Variants in CCBE1 observed in about 807,000 individuals in gnomAD.
The protein encoded by CCBE1 is collagen and calcium binding EGF domains 1, also known as collagen and calcium-binding EGF domain-containing protein 1.
Under a neutral mutation model 50.0 loss-of-function variants are expected in CCBE1, and 37 were observed. The ratio of observed to expected loss-of-function variants is 0.74; its 90% confidence interval spans 0.57 to 0.97. The LOEUF (loss-of-function observed/expected upper bound fraction) is 0.97. Ranked by LOEUF, CCBE1 falls within the 50% of genes least tolerant of loss-of-function variation. CCBE1 has a pLI of 0.00. For missense variants in CCBE1, 538 were observed against 523.8 expected, an observed-to-expected ratio of 1.03 and a Z score of -0.26; for synonymous variants, 234 against 203.7, an observed-to-expected ratio of 1.15 and a Z score of -1.27.
At chr18:59,450,955 C>G (rs1225238164) in intron 6 of CCBE1, among the ~76,000 whole-genome samples, 2 of 152,136 alleles carry the variant, frequency 1.3e-5, no homozygotes, top group Non-Finnish European at 2.9e-5. Flanking sequence ...GATGCTAGAC[C>G]GAGCAGGTGC....
chr18:59,515,353 G>A (rs771888490), intron 2 of CCBE1, among the ~76,000 whole-genome samples: 1 of 152,166 alleles, frequency 6.6e-6, no homozygotes, highest in African/African-American at 2.4e-5. Context: ...TATGTGCCAG[G>A]CATGTACTAA....
chr18:59,575,057 G>A (rs770653295), intron 2 of CCBE1, among the ~76,000 whole-genome samples: 98 of 152,108 alleles, frequency 6.4e-4, no homozygotes, highest in Admixed American at 3.9e-4. Flanking sequence ...GGATCGGGGC[G>A]ATTCTCCTGC....
rs2143604898 is a variant in CCBE1 at position 59,436,012 on chromosome 18, C to A, written c.1117G>T (p.Glu373Ter). The A allele has an allele frequency of 6.2e-7, 1 of 1,614,112 alleles. No homozygotes were observed. The highest frequency in any genetic ancestry group is 1.3e-5 in the African/African-American group (1 of 75,022). ...ATGGCTTCTGGGTAGCTGGGAAATT[C>A]CTGAGGTAAAGGGAACTCCTCTGCT... ...SSAEEFPLPQ[E>*]FPSYPEAMDL... Residue 373 changes from glutamate to a stop codon, truncating the protein, a stop_gained, in exon 11 of 11, where the codon GAA becomes TAA. Transcript: ENST00000439986. LOFTEE classifies it high-confidence loss of function.
At chr18:59,482,901 T>A (rs1455464772) in intron 2 of CCBE1, among the ~76,000 whole-genome samples, 1 of 151,954 alleles carries the variant, frequency 6.6e-6, no homozygotes. Flanking sequence ...AGAAGTATTT[T>A]TTTTTGTAAC....
At chr18:59,472,741 A>G (rs1912093700) in intron 3 of CCBE1, among the ~76,000 whole-genome samples, 1 of 152,194 alleles carries the variant, frequency 6.6e-6, no homozygotes. Context: ...TCTCTCATGT[A>G]TTAGTCTGTT....
At chr18:59,603,901 T>C (rs927963188) in intron 2 of CCBE1, among the ~76,000 whole-genome samples, 17 of 152,334 alleles carry the variant, frequency 1.1e-4, no homozygotes, top group African/African-American at 4.1e-4. Context: ...CGAAAGGTCC[T>C]CAACCTCTCG....
At chr18:59,600,099 T>C (rs1340620708) in intron 2 of CCBE1, among the ~76,000 whole-genome samples, 2 of 152,146 alleles carry the variant, frequency 1.3e-5, no homozygotes, top group Non-Finnish European at 2.9e-5. Context: ...TTTTTGTTCC[T>C]TTAAATCAGG....
At chr18:59,561,870 C>T (rs2052744195) in intron 2 of CCBE1, among the ~76,000 whole-genome samples, 1 of 152,152 alleles carries the variant, frequency 6.6e-6, no homozygotes, top group Non-Finnish European at 1.5e-5. Flanking sequence ...TGAGAGTAAG[C>T]TCCTGCTGAG....
intron 2 of CCBE1, among the ~76,000 whole-genome samples, chr18:59,556,606 C>T (rs998778000): frequency 2.6e-5 from 4 of 151,988 alleles, no homozygotes; most frequent in Non-Finnish European, 5.9e-5. Flanking sequence ...CCTGTGTGAC[C>T]GAATTTAATT....
intron 2 of CCBE1, among the ~76,000 whole-genome samples, chr18:59,588,043 G>T (rs1299066724): frequency 6.6e-6 from 1 of 152,110 alleles, no homozygotes; most frequent in Non-Finnish European, 1.5e-5. Flanking sequence ...TACATATGTT[G>T]GTTCTTAAAT....
intron 2 of CCBE1, among the ~76,000 whole-genome samples, chr18:59,642,371 T>C (rs751119962): frequency 6.6e-6 from 1 of 152,160 alleles, no homozygotes; most frequent in African/African-American, 2.4e-5. Context: ...TCTTCTTCCA[T>C]TGCTAGTGGG....
At chr18:59,523,421 G>A (rs772246392) in intron 2 of CCBE1, among the ~76,000 whole-genome samples, 30 of 151,360 alleles carry the variant, frequency 2.0e-4, no homozygotes, top group Middle Eastern at 3.4e-3. Context: ...TAGACAAGAT[G>A]TTTAATCTTT....
intron 2 of CCBE1, among the ~76,000 whole-genome samples, chr18:59,578,292 A>G (rs544777683): frequency 2.2e-4 from 33 of 152,340 alleles, no homozygotes; most frequent in African/African-American, 7.7e-4. Context: ...TTAACAAGTC[A>G]GGAAACAGAT....
At chr18:59,646,522 G>A (rs1020902434) in intron 2 of CCBE1, among the ~76,000 whole-genome samples, 1 of 152,326 alleles carries the variant, frequency 6.6e-6, no homozygotes, top group East Asian at 1.9e-4. Flanking sequence ...AGAGCTTACA[G>A]CATCTAAAAT....
intron 2 of CCBE1, among the ~76,000 whole-genome samples, chr18:59,624,575 T>C (rs2053754940): frequency 6.6e-6 from 1 of 152,184 alleles, no homozygotes. Flanking sequence ...CAATGGAGTT[T>C]TTAAATATTG....
chr18:59,589,451 T>A (rs559108291), intron 2 of CCBE1, among the ~76,000 whole-genome samples: 1 of 152,174 alleles, frequency 6.6e-6, no homozygotes, highest in Non-Finnish European at 1.5e-5. Context: ...CACGATAATA[T>A]CGACGTAAAA....
At chr18:59,508,798 C>G (rs1219630285) in intron 2 of CCBE1, among the ~76,000 whole-genome samples, 1 of 144,342 alleles carries the variant, frequency 6.9e-6, no homozygotes, top group Non-Finnish European at 1.5e-5. Flanking sequence ...CTCACTGCAG[C>G]CTCGACCTCC....
chr18:59,508,296 T>C (rs9966162), intron 2 of CCBE1, among the ~76,000 whole-genome samples: 47,473 of 151,574 alleles, frequency 0.31, 7,912 homozygotes, highest in African/African-American at 0.42. Context: ...ATCTGCTAAA[T>C]GGCAATTTGA....
At chr18:59,566,385 T>G (rs987023375) in intron 2 of CCBE1, among the ~76,000 whole-genome samples, 8 of 152,104 alleles carry the variant, frequency 5.3e-5, no homozygotes, top group Admixed American at 2.0e-4. Context: ...ATATGCATAA[T>G]CTACCACTCA....
Sources: allele counts gnomAD v4.1 joint callset (sites outside exome capture counted in the v4.1 genomes callset), GRCh38; gene constraint gnomAD v4.1.1; transcripts MANE v1.5; gene names NCBI Gene and HGNC (gene_info 2026-07-23, HGNC 2026-07-21).